Variants in FUT8 observed in about 807,000 individuals in gnomAD.
FUT8 encodes alpha-(1,6)-fucosyltransferase.
Under a neutral mutation model 71.3 loss-of-function variants are expected in FUT8, and 29 were observed. The observed-to-expected ratio is 0.41, with a 90% CI of 0.30 to 0.55. FUT8 has a LOEUF of 0.55. FUT8 is among the 20% of genes least tolerant of loss of function. The probability of loss-of-function intolerance (pLI) is 0.34; values close to 1 mark genes in which losing one functional copy is unlikely to be tolerated. For missense variants in FUT8, 544 were observed against 702.1 expected (o/e 0.77, Z 2.55); for synonymous variants, 254 against 239.3 (o/e 1.06, Z -0.57).
intron 2 of FUT8, among the ~76,000 whole-genome samples, chr14:65,465,015 A>T (rs72714445): frequency 0.015 from 2,309 of 152,314 alleles, 37 homozygotes; most frequent in Middle Eastern, 0.071. Flanking sequence ...ATTTAGGCTT[A>T]TTCAGATTAT....
intron 3 of FUT8, among the ~76,000 whole-genome samples, chr14:65,578,860 A>G (rs1490691653): frequency 6.6e-6 from 1 of 152,160 alleles, no homozygotes; most frequent in African/African-American, 2.4e-5. Context: ...TTGCTTGTTC[A>G]AATAGAATGA....
At chr14:65,560,878 G>A (rs1291685455) in intron 2 of FUT8, among the ~76,000 whole-genome samples, 1 of 152,148 alleles carries the variant, frequency 6.6e-6, no homozygotes, top group Admixed American at 6.6e-5. Context: ...TATAATGGCA[G>A]CTGAACAATG....
intron 5 of FUT8, among the ~76,000 whole-genome samples, chr14:65,622,702 A>C (rs1889679041): frequency 1.3e-5 from 2 of 152,128 alleles, no homozygotes; most frequent in South Asian, 4.1e-4. Flanking sequence ...TTTTATCCTT[A>C]GCATTGCTTA....
chr14:65,610,353 G>A (rs1437705760), intron 3 of FUT8, among the ~76,000 whole-genome samples: 1 of 150,490 alleles, frequency 6.6e-6, no homozygotes, highest in East Asian at 1.9e-4. Flanking sequence ...ATTGTTATCA[G>A]GTTGAGGAAA....
intron 7 of FUT8, among the ~76,000 whole-genome samples, chr14:65,701,117 C>G (rs144419618): frequency 8.5e-4 from 130 of 152,236 alleles, no homozygotes; most frequent in African/African-American, 2.9e-3. Flanking sequence ...TTTCTGAAAA[C>G]ATAAAATATT....
intron 5 of FUT8, among the ~76,000 whole-genome samples, chr14:65,623,490 G>C (rs1158311224): frequency 6.6e-6 from 1 of 152,042 alleles, no homozygotes; most frequent in Non-Finnish European, 1.5e-5. Context: ...AGACCGAGGA[G>C]GGTGGATCAC....
At chr14:65,620,162 A>G (rs959710381) in intron 5 of FUT8, among the ~76,000 whole-genome samples, 2 of 151,940 alleles carry the variant, frequency 1.3e-5, no homozygotes, top group African/African-American at 4.8e-5. Flanking sequence ...TTTTAAATTT[A>G]TTCATTTATT....
chr14:65,565,491 G>A (rs959310691), intron 3 of FUT8, among the ~76,000 whole-genome samples: 1 of 151,652 alleles, frequency 6.6e-6, no homozygotes, highest in Non-Finnish European at 1.5e-5. Flanking sequence ...ACTTTTGTAT[G>A]ACCATAGTTT....
chr14:65,387,977 G>C, the FUT8 span, among the ~76,000 whole-genome samples: 1 of 152,138 alleles, frequency 6.6e-6, no homozygotes, highest in Non-Finnish European at 1.5e-5. Flanking sequence ...TCATGGCCCA[G>C]TTATTTATCT....
At chr14:65,566,799 T>TA (rs1182833050) in intron 3 of FUT8, among the ~76,000 whole-genome samples, 1 of 151,980 alleles carries the variant, frequency 6.6e-6, no homozygotes, top group East Asian at 1.9e-4. Context: ...AGTGGGCCTT[T>TA]AAAAAATTTA....
Position 65,636,960 on chromosome 14 carries a change from A to G in FUT8, c.597+7354A>G, listed in dbSNP as rs138741234. Reference sequence around the variant, plus strand: ...AACCCTAATAGACAAGTATGCTATCAGGCTCAAATAGAATGGATCAAGCAA... The same window carrying G: ...AACCCTAATAGACAAGTATGCTATCGGGCTCAAATAGAATGGATCAAGCAA... On this transcript the variant is annotated intron_variant, in intron 6 of 10. Transcript: ENST00000673929. Among the ~76,000 whole-genome samples the G allele has an allele frequency of 5.1e-3, 782 of 152,358 alleles. 7 individuals carry two copies. Among genetic ancestry groups the G allele is most frequent in the African/African-American group, 0.018 (742 of 41,582 alleles).
the FUT8 span, among the ~76,000 whole-genome samples, chr14:65,371,140 C>T: frequency 6.6e-6 from 1 of 152,160 alleles, no homozygotes; most frequent in Non-Finnish European, 1.5e-5. Context: ...TTCCATTTCT[C>T]AGTTGTCTTC....
intron 7 of FUT8, among the ~76,000 whole-genome samples, chr14:65,709,786 G>A (rs1371706250): frequency 1.3e-5 from 2 of 152,130 alleles, no homozygotes; most frequent in Non-Finnish European, 2.9e-5. Context: ...GGAACCAAAC[G>A]TGTGAGGCAC....
chr14:65,619,830 CATTGATCATGA>C (rs1261594881), intron 5 of FUT8, among the ~76,000 whole-genome samples: 1 of 152,160 alleles, frequency 6.6e-6, no homozygotes, highest in African/African-American at 2.4e-5. Context: ...CTTTTGATAT[CATTGATCATGA>C]ATTGACCCTA....
intron 2 of FUT8, among the ~76,000 whole-genome samples, chr14:65,540,417 T>C (rs190176688): frequency 5.5e-4 from 84 of 152,340 alleles, no homozygotes; most frequent in Admixed American, 1.4e-3. Context: ...CTTTTTACCA[T>C]TCAGTTTTCT....
intron 2 of FUT8, among the ~76,000 whole-genome samples, chr14:65,515,651 A>C (rs1304070735): frequency 1.3e-5 from 2 of 152,198 alleles, no homozygotes; most frequent in Non-Finnish European, 2.9e-5. Flanking sequence ...TAAATGAGTT[A>C]TGAATTAAAT....
At chr14:65,701,870 A>T (rs1160145072) in intron 7 of FUT8, among the ~76,000 whole-genome samples, 1 of 152,200 alleles carries the variant, frequency 6.6e-6, no homozygotes, top group Admixed American at 6.5e-5. Flanking sequence ...CACCTGGAGT[A>T]GCCACCTCGC....
upstream of FUT8, among the ~76,000 whole-genome samples, chr14:65,407,926 G>C (rs2065093804): frequency 6.6e-6 from 1 of 152,154 alleles, no homozygotes; most frequent in African/African-American, 2.4e-5. Flanking sequence ...AGGAAAGAGA[G>C]AACTCCTTCC....
chr14:65,663,217 G>A (rs1381121336), intron 6 of FUT8, among the ~76,000 whole-genome samples: 1 of 151,962 alleles, frequency 6.6e-6, no homozygotes, highest in Admixed American at 6.6e-5. Flanking sequence ...ACAAAACTAT[G>A]GCTCTGTATC....
Sources: gnomAD v4.1 joint callset for allele counts (sites outside exome capture counted in the v4.1 genomes callset) on GRCh38, gnomAD v4.1.1 for gene constraint, MANE v1.5 for transcripts, NCBI Gene and HGNC (gene_info 2026-07-23, HGNC 2026-07-21) for gene names.